Variants in EPHA5 observed in about 807,000 individuals in gnomAD.
EPHA5 encodes EPH receptor A5.
A neutral mutation model predicts 105.0 loss-of-function variants in EPHA5; 60 were observed. That is an observed-to-expected ratio of 0.57 (90% CI 0.46 to 0.71). The LOEUF is 0.71. Among genes scored for constraint, EPHA5 ranks in the 30% least tolerant of loss-of-function variants. The pLI is 0.00. For synonymous variants in EPHA5, 513 were observed against 449.1 expected (o/e 1.14, Z -1.80); for missense variants, 1,218 against 1,274.7 (o/e 0.96, Z 0.68).
intron 7 of EPHA5, among the ~76,000 whole-genome samples, chr4:65,408,890 C>A (rs1366440529): frequency 6.6e-6 from 1 of 152,008 alleles, no homozygotes; most frequent in Non-Finnish European, 1.5e-5. Flanking sequence ...CACATGCACA[C>A]ATATGTTTAT....
In EPHA5 at chr4:65,649,538, T is replaced by A. The variant is rs183502705; in HGVS notation, c.182-6111A>T. The stretch of plus-strand genomic sequence containing the variant: ...TAACCACAAAGTATTTTCTAAAAAT[T>A]TTCATTAAAATATATTCAAAAATAA... On this transcript the variant is annotated intron_variant, in intron 1 of 16. Coordinates refer to ENST00000613740, the MANE Select transcript of EPHA5 (RefSeq NM_001281766.3). Among the ~76,000 whole-genome samples the A allele has an allele frequency of 1.2e-4, 19 of 152,286 alleles. No individual in the cohort carries two copies. The East Asian group carries it at 3.5e-3, about 28-fold the overall frequency.
intron 5 of EPHA5, among the ~76,000 whole-genome samples, chr4:65,458,254 C>G (rs937190966): frequency 8.5e-5 from 13 of 152,082 alleles, no homozygotes; most frequent in Admixed American, 4.6e-4. Context: ...ATTGTAATGG[C>G]TCTTCAATGC....
Position 65,633,885 on chromosome 4 carries a change from A to G in EPHA5, c.246+9478T>C, listed in dbSNP as rs748914563. Among the ~76,000 whole-genome samples the G allele has an allele frequency of 4.6e-4, 70 of 152,116 alleles. 1 individual carries two copies. Among genetic ancestry groups the G allele is most frequent in the Admixed American group, 5.9e-4 (9 of 15,246 alleles). On this transcript the variant is annotated intron_variant, in intron 2 of 16. Transcript: ENST00000613740. The stretch of plus-strand genomic sequence containing the variant: ...AAAGCAATCTAAAGAAGAAAAAATC[A>G]GAATAATAAACAATTGGATGCAAAA...
chr4:65,443,238 A>T (rs1251006264), intron 5 of EPHA5, among the ~76,000 whole-genome samples: 1 of 152,024 alleles, frequency 6.6e-6, no homozygotes, highest in East Asian at 1.9e-4. Flanking sequence ...TAAAAAGTGT[A>T]TCCATATATA....
At chr4:65,539,346 G>T (rs1020899318) in intron 3 of EPHA5, among the ~76,000 whole-genome samples, 3 of 148,166 alleles carry the variant, frequency 2.0e-5, no homozygotes, top group African/African-American at 7.3e-5. Context: ...AAGAGAAAAA[G>T]AAGTTGTTTA....
In EPHA5 at chr4:65,443,473, A is replaced by G. The variant is rs1726208390; in HGVS notation, c.1403-22908T>C. Among the ~76,000 whole-genome samples the G allele has an allele frequency of 2.6e-5, 4 of 151,954 alleles. No individual in the cohort carries two copies. In the South Asian group the frequency reaches 6.2e-4, roughly 24 times the overall value. On this transcript the variant is annotated intron_variant, in intron 5 of 16. Transcript: ENST00000613740. Reference sequence around the variant, plus strand: ...ATATTGAGGTAACCCAATGACAATCACTGAAAGAGGCAGCTATCATTTCCA... The same window carrying G: ...ATATTGAGGTAACCCAATGACAATCGCTGAAAGAGGCAGCTATCATTTCCA...
intron 5 of EPHA5, among the ~76,000 whole-genome samples, chr4:65,458,949 T>C (rs1727869441): frequency 6.6e-6 from 1 of 152,096 alleles, no homozygotes; most frequent in Non-Finnish European, 1.5e-5. Flanking sequence ...TCTCTTTTAT[T>C]AATTTTAAGT....
At chr4:65,386,531 C>T (rs1720105421) in intron 8 of EPHA5, among the ~76,000 whole-genome samples, 1 of 151,772 alleles carries the variant, frequency 6.6e-6, no homozygotes, top group Admixed American at 6.6e-5. Context: ...AGATACAAAA[C>T]ATGCACACAC....
intron 5 of EPHA5, among the ~76,000 whole-genome samples, chr4:65,455,206 C>A (rs4262029): frequency 0.24 from 36,983 of 151,592 alleles, 5,274 homozygotes; most frequent in Middle Eastern, 0.38. Flanking sequence ...GCACTCCAGC[C>A]TGGGAGACAG....
intron 3 of EPHA5, among the ~76,000 whole-genome samples, chr4:65,511,631 TATAATC>T (rs1296148419): frequency 1.3e-5 from 2 of 152,176 alleles, no homozygotes; most frequent in Non-Finnish European, 2.9e-5. Context: ...CTATAAAACT[TATAATC>T]ATAGAAAGAG....
At chr4:65,613,306 G>A (rs142978533) in intron 2 of EPHA5, among the ~76,000 whole-genome samples, 232 of 152,190 alleles carry the variant, frequency 1.5e-3, no homozygotes, top group African/African-American at 5.2e-3. Context: ...GTTAGGTAAT[G>A]TGATGCCTCC....
At chr4:65,460,548 C>T (rs947708797) in intron 5 of EPHA5, among the ~76,000 whole-genome samples, 5 of 151,114 alleles carry the variant, frequency 3.3e-5, no homozygotes, top group Non-Finnish European at 5.9e-5. Context: ...TTAAGGTTAA[C>T]ATCCATAAAA....
intron 8 of EPHA5, among the ~76,000 whole-genome samples, chr4:65,382,261 G>A (rs983119894): frequency 6.6e-6 from 1 of 151,336 alleles, no homozygotes; most frequent in Non-Finnish European, 1.5e-5. Flanking sequence ...AACTTGAGGT[G>A]AGACATATTT....
At position 65,573,885 on chromosome 4, in the gene EPHA5, G is replaced by A; in HGVS notation, c.910+27756C>T. Reference sequence around the variant, plus strand: ...CAGTCAGCACGTGAGAAAACTGCGAGCCAGCATTACCCCCGGGACCATTCT... The same window carrying A: ...CAGTCAGCACGTGAGAAAACTGCGAACCAGCATTACCCCCGGGACCATTCT... On this transcript the variant is annotated intron_variant, in intron 3 of 16. Transcript: ENST00000613740. The A allele has an allele frequency of 3.1e-6, 5 of 1,612,472 alleles. No homozygotes were observed. The South Asian group carries it at 4.4e-5, about 14-fold the overall frequency.
At chr4:65,412,067 A>G (rs1027712718) in intron 7 of EPHA5, among the ~76,000 whole-genome samples, 32 of 152,260 alleles carry the variant, frequency 2.1e-4, no homozygotes, top group African/African-American at 7.0e-4. Context: ...CATCTCTATT[A>G]AAAATGCAAA....
At chr4:65,669,448 G>T in intron 1 of EPHA5, 114 bp downstream of exon 1, 1 of 1,250,420 alleles carries the variant, frequency 8.0e-7, no homozygotes, top group South Asian at 3.4e-5. Context: ...AATTTGAGAT[G>T]AGACTGCGAT....
chr4:65,568,347 G>A (rs1209678061), intron 3 of EPHA5, among the ~76,000 whole-genome samples: 1 of 151,256 alleles, frequency 6.6e-6, no homozygotes, highest in Non-Finnish European at 1.5e-5. Context: ...TCAAAATATT[G>A]TTGCATTTGA....
At chr4:65,351,718 C>A in intron 12 of EPHA5, 120 bp from the exon 13 acceptor site, 1 of 819,860 alleles carries the variant, frequency 1.2e-6, no homozygotes, top group Non-Finnish European at 1.9e-6. Context: ...TATGCAATTT[C>A]TATCTGAAGG....
At position 65,351,394 on chromosome 4, in the gene EPHA5, TG is replaced by T; in HGVS notation, c.2439del (p.Thr814GlnfsTer16). ...VLEDDPEAAYTTRGGKIPIRW... is the reference protein window; with the variant it reads ...VLEDDPEAAYXTRGGKIPIRW... ...TGCACTCTGTTAGATCTTACCCTTG[TG>T]GTGTAGGCTGCCTCGGGATCATCTT... On this transcript the variant is annotated frameshift_variant, in exon 13 of 17. Transcript: ENST00000613740. LOFTEE classifies it high-confidence loss of function. 6.2e-7 allele frequency: 1 copy of T among 1,613,572 alleles called. No individual in the cohort carries two copies. The highest frequency in any genetic ancestry group is 1.3e-5 in the African/African-American group (1 of 75,008).
Sources: gnomAD v4.1 joint callset for allele counts (sites outside exome capture counted in the v4.1 genomes callset) on GRCh38, gnomAD v4.1.1 for gene constraint, MANE v1.5 for transcripts, NCBI Gene and HGNC (gene_info 2026-07-23, HGNC 2026-07-21) for gene names.